RPL35A: variants seen among roughly 807,000 people sequenced by gnomAD.
RPL35A encodes the protein ribosomal protein L35a.
A neutral mutation model predicts 16.7 loss-of-function variants in RPL35A; 1 was observed. That is an observed-to-expected ratio of 0.06 (90% CI 0.02 to 0.28). RPL35A has a LOEUF of 0.28. Among genes scored for constraint, RPL35A ranks in the 10% least tolerant of loss-of-function variants. The pLI, the probability that RPL35A is intolerant of heterozygous loss-of-function variation, is 1.00. For missense variants in RPL35A, 91 were observed against 138.7 expected (o/e 0.66, Z 1.73); for synonymous variants, 58 against 47.0 (o/e 1.23, Z -0.96).
At chr3:197,954,173 A>C (rs780684249) in intron 4 of RPL35A, 26 bp downstream of exon 4, 1 of 1,613,338 alleles carries the variant, frequency 6.2e-7, no homozygotes, top group African/African-American at 1.3e-5. Context: ...AGCAAAATGG[A>C]CGTCTGATGA....
At position 197,952,162 on chromosome 3, in the gene RPL35A, GTTTTTTTTT is replaced by G. The variant is rs1161903755; in HGVS notation, c.164+869_164+877del. 1.2e-4 allele frequency among the ~76,000 whole-genome samples: 10 copies of G among 83,890 alleles called. No individual in the cohort carries two copies. The East Asian group carries it at 2.0e-3, about 17-fold the overall frequency. The allele number at this position is 83,890 out of a possible 152,430, so 55.0% of individuals were successfully genotyped here. A position where few individuals can be genotyped will look rare whatever the true frequency, so the allele number is the denominator to read the frequency against. On this transcript the variant is annotated intron_variant, in intron 3 of 4. Coordinates refer to ENST00000647248, the MANE Select transcript of RPL35A (RefSeq NM_000996.4). ...TTTTGTTAATGCCTTAAAATTATGG[GTTTTTTTTT>G]TTTTTTTTTTTTTTTTTGGAGACGG...
At chr3:197,952,318 C>T (rs1234275225) in intron 3 of RPL35A, among the ~76,000 whole-genome samples, 2 of 150,418 alleles carry the variant, frequency 1.3e-5, no homozygotes, top group African/African-American at 4.9e-5. Context: ...TACAGGCGGC[C>T]GCCACCATGC....
At chr3:197,952,955 C>G (rs1171318228) in intron 3 of RPL35A, among the ~76,000 whole-genome samples, 2 of 152,040 alleles carry the variant, frequency 1.3e-5, no homozygotes, top group Non-Finnish European at 2.9e-5. Flanking sequence ...CGCGCACCAC[C>G]ACACCCGGCT....
chr3:197,950,832 A>C, intron 1 of RPL35A, 104 bp from the exon 2 acceptor site: 1 of 989,868 alleles, frequency 1.0e-6, no homozygotes, highest in Non-Finnish European at 1.6e-6. Flanking sequence ...TCCTACATGA[A>C]ACTCCCATCC....
chr3:197,953,362 C>T (rs1720273843), intron 3 of RPL35A: 1 of 444,988 alleles, frequency 2.2e-6, no homozygotes, highest in African/African-American at 2.0e-5. Flanking sequence ...GGTGACAAGA[C>T]AACCCCGTGG....
chr3:197,955,437 A>AT (rs1303285804), intron 4 of RPL35A, among the ~76,000 whole-genome samples: 1 of 151,018 alleles, frequency 6.6e-6, no homozygotes, highest in African/African-American at 2.4e-5. Context: ...TGATTTTTGT[A>AT]TTTTTTAGTA....
intron 2 of RPL35A, 47 bp from the exon 3 acceptor site, chr3:197,951,112 G>C (rs769296035): frequency 2.8e-5 from 45 of 1,613,006 alleles, no homozygotes; most frequent in Middle Eastern, 1.7e-4. Context: ...AAGTCAGATT[G>C]GTTTTTTGAA....
Position 197,956,229 on chromosome 3 carries a change from C to T in RPL35A, c.*456C>T, listed in dbSNP as rs138103972. On this transcript the variant is annotated 3_prime_UTR_variant, in exon 5 of 5. Transcript: ENST00000647248. Reference sequence around the variant, plus strand: ...TGGCCTCTCCTGAAGTGCTGGGATACAGTTATGAGCCACCACACCTGCCAA... The same window carrying T: ...TGGCCTCTCCTGAAGTGCTGGGATATAGTTATGAGCCACCACACCTGCCAA... The T allele has an allele frequency of 1.7e-3, 331 of 192,236 alleles. No homozygotes were observed. Among genetic ancestry groups the T allele is most frequent in the African/African-American group, 7.4e-3 (319 of 43,056 alleles). The allele number at this position is 192,236 out of a possible 1,614,324, so 11.9% of individuals were successfully genotyped here.
chr3:197,953,725 A>AT, intron 3 of RPL35A: 1 of 511,558 alleles, frequency 2.0e-6, no homozygotes, highest in South Asian at 2.0e-5. Context: ...TTTTTTCAAT[A>AT]TTGCCTCTGT....
chr3:197,952,973 G>GT (rs757284818), intron 3 of RPL35A, among the ~76,000 whole-genome samples: 1 of 151,608 alleles, frequency 6.6e-6, no homozygotes, highest in Non-Finnish European at 1.5e-5. Context: ...GCTAACTTTT[G>GT]TATTTTTAGT....
At chr3:197,955,616 A>C in intron 4 of RPL35A, 134 bp from the exon 5 acceptor site, 1 of 791,274 alleles carries the variant, frequency 1.3e-6, no homozygotes, top group South Asian at 1.4e-5. Flanking sequence ...TAGAGACTGA[A>C]GGCTATAAAA....
intron 4 of RPL35A, 58 bp from the exon 5 acceptor site, chr3:197,955,692 G>C (rs1720474156): frequency 2.1e-6 from 3 of 1,406,974 alleles, no homozygotes; most frequent in Admixed American, 3.3e-5. Context: ...TACGGTTCTT[G>C]ATTTGTAGAC....
At chr3:197,950,740 G>A in intron 1 of RPL35A, 196 bp from the exon 2 acceptor site, 2 of 601,960 alleles carry the variant, frequency 3.3e-6, no homozygotes, top group South Asian at 4.1e-5. Flanking sequence ...AGTTTGCTTA[G>A]ATACCAGCTG....
At chr3:197,951,013 T>C (rs781125121) in intron 2 of RPL35A, 35 bp downstream of exon 2, 5 of 1,609,742 alleles carry the variant, frequency 3.1e-6, no homozygotes, top group Non-Finnish European at 2.6e-6. Flanking sequence ...TATTTTTGTG[T>C]GTTAGACGTG....
chr3:197,955,626 A>C, intron 4 of RPL35A, 124 bp from the exon 5 acceptor site: 1 of 883,626 alleles, frequency 1.1e-6, no homozygotes, highest in Non-Finnish European at 1.9e-6. Context: ...AGGCTATAAA[A>C]ACTTTCCTTA....
chr3:197,951,836 T>TA (rs746487894), intron 3 of RPL35A, among the ~76,000 whole-genome samples: 8 of 152,118 alleles, frequency 5.3e-5, no homozygotes, highest in Non-Finnish European at 1.0e-4. Context: ...TAGCTGGGCT[T>TA]ACAGGGGTGT....
chr3:197,955,424 A>C (rs1402511027), intron 4 of RPL35A, among the ~76,000 whole-genome samples: 1 of 149,720 alleles, frequency 6.7e-6, no homozygotes, highest in Non-Finnish European at 1.5e-5. Flanking sequence ...CACCATGCCC[A>C]GCTGATTTTT....
intron 3 of RPL35A, among the ~76,000 whole-genome samples, chr3:197,951,859 G>A (rs1720123568): frequency 6.6e-6 from 1 of 151,868 alleles, no homozygotes. Context: ...CACCACGCCC[G>A]GCTAATTTTT....
chr3:197,951,073 C>T (rs1720032421), intron 2 of RPL35A, 86 bp from the exon 3 acceptor site: 1 of 1,604,482 alleles, frequency 6.2e-7, no homozygotes, highest in Non-Finnish European at 8.5e-7. Flanking sequence ...GATGTTTGCT[C>T]TGAGTAACTT....
Sources: allele counts gnomAD v4.1 joint callset (sites outside exome capture counted in the v4.1 genomes callset), GRCh38; gene constraint gnomAD v4.1.1; transcripts MANE v1.5; gene names NCBI Gene and HGNC (gene_info 2026-07-23, HGNC 2026-07-21).